Variants in PKD1 observed in about 807,000 individuals in gnomAD.
The protein encoded by PKD1 is polycystin-1.
PKD1 carries 81 observed loss-of-function variants against 361.7 expected under a neutral mutation model. The observed-to-expected ratio is 0.22, with a 90% CI of 0.19 to 0.27. PKD1 has a LOEUF of 0.27. Among genes scored for constraint, PKD1 ranks in the 10% least tolerant of loss-of-function variants. PKD1 has a pLI of 1.00. For synonymous variants in PKD1, 3,615 were observed against 2,818.3 expected (o/e 1.28, Z -8.95); for missense variants, 6,399 against 6,118.3 (o/e 1.05, Z -1.53).
chr16:2,115,248 C>T lies in PKD1; in HGVS notation c.2097+130G>A, dbSNP rs1045257439. ...CGAGGGCACTGCAGAGGTCGGAGGT[C>T]AGAGGTGGCAAGGACGTGGGAGGGG... On this transcript the variant is annotated intron_variant, in intron 10 of 45. Transcript: ENST00000262304. 2.0e-5 allele frequency: 22 copies of T among 1,097,408 alleles called. No homozygotes were observed. The African/African-American group carries it at 2.8e-4, about 14-fold the overall frequency. The allele number at this position is 1,097,408 out of a possible 1,614,324, so 68.0% of individuals were successfully genotyped here. A position where few individuals can be genotyped will look rare whatever the true frequency, so the allele number is the denominator to read the frequency against.
rs774625212 is a variant in PKD1 at position 2,092,525 on chromosome 16, G to A, written c.11224C>T (p.Pro3742Ser). 33 of 1,612,622 alleles carry A rather than the reference G, an allele frequency of 2.0e-5. No homozygotes were observed. Among genetic ancestry groups the A allele is most frequent in the Non-Finnish European group, 2.7e-5 (32 of 1,179,784 alleles). Reference sequence around the variant, plus strand: ...CGCAGCCGTGGGGGCCCCAGCTCTGGGCTGGACTGGTTCCCGTGGACGTAG... The same window carrying A: ...CGCAGCCGTGGGGGCCCCAGCTCTGAGCTGGACTGGTTCCCGTGGACGTAG... ...LPYVHGNQSS[P>S]ELGPPRLRQV... The change falls in exon 39 of 46, where the codon CCA becomes TCA. Residue 3742 changes from proline (P) to serine (S), a missense_variant. Physicochemically the swap from Pro to Ser is moderately conservative, Grantham distance 74. Transcript: ENST00000262304.
intron 1 of PKD1, among the ~76,000 whole-genome samples, chr16:2,132,741 C>A (rs2092902147): frequency 6.6e-6 from 1 of 151,646 alleles, no homozygotes; most frequent in Admixed American, 6.6e-5. Context: ...TATTGCGATG[C>A]CCTCCAAAAT....
chr16:2,103,116 T>G (rs768469190), intron 23 of PKD1, 146 bp from the exon 24 acceptor site: 3 of 1,272,632 alleles, frequency 2.4e-6, no homozygotes, highest in Middle Eastern at 5.2e-4. Context: ...TGCTTCTCCG[T>G]GGCCCCCAGC....
chr16:2,090,618 C>G, intron 44 of PKD1, 28 bp from the exon 45 acceptor site: 1 of 1,608,874 alleles, frequency 6.2e-7, no homozygotes, highest in Non-Finnish European at 8.5e-7. Context: ...CCAGTGAGGG[C>G]GTACAGCTGA....
chr16:2,091,737 G>T lies in PKD1; in HGVS notation c.11537+44C>A, dbSNP rs1418570118. ...AGGAGTGAGGGTGGGCTCCTGGCTG[G>T]TGACTGCGGCCACCCCGGAGAGGGC... On this transcript the variant is annotated intron_variant, in intron 41 of 45. Transcript: ENST00000262304. 3 of 1,603,364 alleles carry T rather than the reference G, an allele frequency of 1.9e-6. No homozygotes were observed. The South Asian group carries it at 3.3e-5, about 18-fold the overall frequency.
chr16:2,114,489 A>G lies in PKD1; in HGVS notation c.2534T>C (p.Leu845Ser), dbSNP rs199476100. 4.4e-6 allele frequency: 7 copies of G among 1,596,640 alleles called. No homozygotes were observed. The highest frequency in any genetic ancestry group is 5.1e-6 in the Non-Finnish European group (6 of 1,179,462). ...RLYVPTNGSA[L>S]VLQVDSGANA... ...GGCACCAGAGTCCACCTGGAGCACC[A>G]AGGCTGAGCCGTTGGTGGGCACGTA... is the stretch of plus-strand genomic sequence containing the variant. The change falls in exon 11 of 46, where the codon TTG becomes TCG. Residue 845 changes from leucine to serine, a missense_variant. Coordinates refer to ENST00000262304, the MANE Select transcript of PKD1 (RefSeq NM_001009944.3).
At position 2,103,762 on chromosome 16, in the gene PKD1, G is replaced by A. The variant is rs1274151341; in HGVS notation, c.8295C>T (p.Arg2765=). 1.9e-6 allele frequency: 3 copies of A among 1,609,984 alleles called. No individual in the cohort carries two copies. The highest frequency in any genetic ancestry group is 2.5e-6 in the Non-Finnish European group (3 of 1,179,662). ...GGGGCTCCTCGTTGAGCACGCGGGA[G>A]CGCATGAGGATGCGCATGAGGGCAG... The part of the protein sequence containing the change: ...LTSALMRILM[R]SRVLNEEPLT... The change falls in exon 23 of 46, where the codon CGC becomes CGT. Residue 2765 remains arginine (R), a synonymous_variant. Transcript: ENST00000262304.
chr16:2,109,185 G>A lies in PKD1; in HGVS notation c.5982C>T (p.Ala1994=). ...IATGTERNFT[A]RVQRGSRVAY... ...CGACCCGAGAGCCGCGCTGCACGCG[G>A]GCTGTGAAGTTCCTCTCAGTGCCCG... Residue 1994 remains alanine (A), a synonymous_variant, in exon 15 of 46, where the codon GCC becomes GCT. Transcript: ENST00000262304. The A allele has an allele frequency of 6.3e-7, 1 of 1,598,440 alleles. No individual in the cohort carries two copies. The highest frequency in any genetic ancestry group is 8.5e-7 in the Non-Finnish European group (1 of 1,171,612).
rs1438881163 is a variant in PKD1, at chr16:2,105,447, C to G, written c.7891G>C (p.Glu2631Gln). The G allele has an allele frequency of 6.3e-7, 1 of 1,593,292 alleles. No individual in the cohort carries two copies. Among genetic ancestry groups the G allele is most frequent in the Non-Finnish European group, 8.5e-7 (1 of 1,177,786 alleles). The change falls in exon 21 of 46, where the codon GAG becomes CAG. Residue 2631 changes from glutamate to glutamine, a missense_variant. By Grantham distance (29) the Glu-to-Gln change is conservative (BLOSUM62 2). Coordinates refer to ENST00000262304, the MANE Select transcript of PKD1 (RefSeq NM_001009944.3). ...EYERALDVAA[E>Q]PKHERQHRAQ... ...CGGTGCTGCCGCTCGTGCTTGGGCT[C>G]TGCCGCCACGTCCAGGGCCCGCTCG...
At chr16:2,090,622 C>CAGCTGAGCTG (rs758921376) in intron 44 of PKD1, 32 bp from the exon 45 acceptor site, 2 of 1,609,290 alleles carry the variant, frequency 1.2e-6, no homozygotes, top group African/African-American at 1.3e-5. Context: ...TGAGGGCGTA[C>CAGCTGAGCTG]AGCTGAGCTG....
At chr16:2,116,780 C>T in intron 7 of PKD1, 53 bp downstream of exon 7, 1 of 1,205,856 alleles carries the variant, frequency 8.3e-7, no homozygotes, top group East Asian at 2.5e-5. Flanking sequence ...GGGCGCTCGG[C>T]AGGCCCCTAA....
intron 23 of PKD1, 59 bp from the exon 24 acceptor site, chr16:2,103,029 C>T: frequency 1.3e-6 from 2 of 1,559,792 alleles, no homozygotes; most frequent in Non-Finnish European, 1.7e-6. Flanking sequence ...CGGGGGACAC[C>T]CACGATGGCC....
At position 2,116,036 on chromosome 16, in the gene PKD1, G is replaced by C; in HGVS notation, c.1805C>G (p.Pro602Arg). The stretch of plus-strand genomic sequence containing the variant: ...GTACACCTGCAGCCGCAGCTGGGCG[G>C]GCCGCCGGAGCTCCTGGGTCCCAAA... ...AEFGTQELRR[P>R]AQLRLQVYRL... Residue 602 changes from proline to arginine, a missense_variant, in exon 9 of 46, where the codon CCC (proline) becomes CGC (arginine). Transcript: ENST00000262304. 1.9e-6 allele frequency: 3 copies of C among 1,540,882 alleles called. No individual in the cohort carries two copies. The highest frequency in any genetic ancestry group is 2.6e-6 in the Non-Finnish European group (3 of 1,139,860).
At chr16:2,115,027 A>G in intron 10 of PKD1, 102 bp from the exon 11 acceptor site, 1 of 1,513,850 alleles carries the variant, frequency 6.6e-7, no homozygotes, top group East Asian at 2.5e-5. Flanking sequence ...CCGCTTCGTC[A>G]GCCACACCTC....
rs2092123789 is a variant in PKD1 at position 2,102,221 on chromosome 16, C to T, written c.9237G>A (p.Leu3079=). The change falls in exon 26 of 46, where the codon CTG becomes CTA. Residue 3079 remains leucine, a synonymous_variant. Transcript: ENST00000262304. ...AGGTCACCAGGCACACAGCACATGT[C>T]AGCATGACGATGTAGTTTACATCCG... ...PTADVNYIVM[L]TCAVCLVTYM... is the part of the protein sequence containing the mutation. 7 of 1,527,140 alleles carry T rather than the reference C, an allele frequency of 4.6e-6. No individual in the cohort carries two copies. Among genetic ancestry groups the T allele is most frequent in the South Asian group, 4.5e-5 (4 of 89,108 alleles). The allele number at this position is 1,527,140 out of a possible 1,614,324, so 94.6% of individuals were successfully genotyped here.
At chr16:2,095,041 G>A (rs1458413132) in intron 34 of PKD1, 1 of 152,294 alleles carries the variant, frequency 6.6e-6, no homozygotes, top group African/African-American at 2.4e-5. Flanking sequence ...TCAGGAGGCT[G>A]AGGCAGGAGG....
chr16:2,095,978 T>C (rs959005922), intron 34 of PKD1, among the ~76,000 whole-genome samples: 1 of 152,238 alleles, frequency 6.6e-6, no homozygotes, highest in African/African-American at 2.4e-5. Context: ...TATCTGCCTT[T>C]TGTAAATCAG....
At chr16:2,092,280 C>A in intron 39 of PKD1, 92 bp from the exon 40 acceptor site, 1 of 1,377,888 alleles carries the variant, frequency 7.3e-7, no homozygotes, top group South Asian at 1.3e-5. Flanking sequence ...AGCTCTGGTT[C>A]GGCGCCACCC....
rs1596476659 is a variant in PKD1, at chr16:2,091,047, G to A, written c.11840C>T (p.Ala3947Val). The A allele has an allele frequency of 2.0e-6, 3 of 1,525,072 alleles. No homozygotes were observed. The highest frequency in any genetic ancestry group is 2.6e-6 in the Non-Finnish European group (3 of 1,141,450). 94.5% of individuals were successfully genotyped at this position (1,525,072 alleles called of 1,614,324 possible). ...CTGGGCGAGGCGTACCAGTGCCGTG[G>A]CCGCCGTCAGCGCCACCAGCAGCCA... ...ARWLLVALTA[A>V]TALVRLAQLG... Residue 3947 changes from alanine (A) to valine (V), a missense_variant, in exon 43 of 46, where the codon GCC becomes GTC. Physicochemically the swap from Ala to Val is moderately conservative, Grantham distance 64 (BLOSUM62 0). Transcript: ENST00000262304.
Sources: gnomAD v4.1 joint callset for allele counts (sites outside exome capture counted in the v4.1 genomes callset) on GRCh38, gnomAD v4.1.1 for gene constraint, MANE v1.5 for transcripts, NCBI Gene and HGNC (gene_info 2026-07-23, HGNC 2026-07-21) for gene names.